ANKRD65: variants seen among roughly 807,000 people sequenced by gnomAD.
ANKRD65 encodes ankyrin repeat domain 65, also known as ankyrin repeat domain-containing protein 65.
Under a neutral mutation model 17.2 loss-of-function variants are expected in ANKRD65, and 26 were observed. The ratio of observed to expected loss-of-function variants is 1.51; its 90% CI spans 1.11 to 2.09. The LOEUF is 2.09. ANKRD65 is among the 30% of genes most tolerant of loss of function. The probability of loss-of-function intolerance (pLI) is 0.00; values close to 1 mark genes in which losing one functional copy is unlikely to be tolerated. For missense variants in ANKRD65, 621 were observed against 542.2 expected, an observed-to-expected ratio of 1.15 and a Z score of -1.44; for synonymous variants, 311 against 272.2, an observed-to-expected ratio of 1.14 and a Z score of -1.40.
Position 1,419,420 on chromosome 1 carries a change from C to T in ANKRD65, c.880G>A (p.Glu294Lys), listed in dbSNP as rs185980964. The T allele has an allele frequency of 3.2e-5, 50 of 1,549,640 alleles. No individual in the cohort carries two copies. The East Asian group carries it at 5.4e-4, about 17-fold the overall frequency. The change falls in exon 4 of 4, where the codon GAG becomes AAG. Residue 294 changes from glutamate (E) to lysine (K), a missense_variant. Glu to Lys is a moderately conservative substitution (Grantham distance 56, BLOSUM62 1). Coordinates refer to ENST00000537107, the MANE Select transcript of ANKRD65 (RefSeq NM_001145210.3). ...AVQLLVTQGAEVDARDTLGLT... is the reference protein window; with the variant it reads ...AVQLLVTQGAKVDARDTLGLT... ...CCCAGGGTGTCCCGCGCATCCACCT[C>T]GGCCCCCTGGGTGACCAGCAACTGG...
Position 1,419,050 on chromosome 1 carries a change from G to GAGAGCCTGGAAATCACTGGGGCGGT in ANKRD65, c.*25_*49dup. ...CCCTCCAGGCAGGCAGCCTCAGCCA[G>GAGAGCCTGGAAATCACTGGGGCGGT]AGAGCCTGGAAATCACTGGGGCGGT... On this transcript the variant is annotated 3_prime_UTR_variant, in exon 4 of 4. Coordinates refer to ENST00000537107, the MANE Select transcript of ANKRD65 (RefSeq NM_001145210.3). 6.9e-7 allele frequency: 1 copy of GAGAGCCTGGAAATCACTGGGGCGGT among 1,449,542 alleles called. No homozygotes were observed. The highest frequency in any genetic ancestry group is 1.5e-5 in the South Asian group (1 of 68,418). The allele number at this position is 1,449,542 out of a possible 1,614,324, so 89.8% of individuals were successfully genotyped here. A position where few individuals can be genotyped will look rare whatever the true frequency, so the allele number is the denominator to read the frequency against.
chr1:1,420,306 C>T lies in ANKRD65; in HGVS notation c.496G>A (p.Gly166Arg). ...TCCTCCGCCTCCGCTGCCGCGGGTC[C>T]CGGGCCCGGAGCCTCCAGCAGGCGC... ...AARLLEAPGP[G>R]PAAAEAEDAR... The change falls in exon 3 of 4, where the codon GGA becomes AGA. Residue 166 changes from glycine (G) to arginine (R), a missense_variant. Coordinates refer to ENST00000537107, the MANE Select transcript of ANKRD65 (RefSeq NM_001145210.3). 9.3e-7 allele frequency: 1 copy of T among 1,071,596 alleles called. No individual in the cohort carries two copies. The allele number at this position is 1,071,596 out of a possible 1,614,324, so 66.4% of individuals were successfully genotyped here.
Position 1,419,325 on chromosome 1 carries a change from AC to A in ANKRD65, c.974del (p.Gly325ValfsTer31), listed in dbSNP as rs750016027. 1 of 1,550,038 alleles carries A rather than the reference AC, an allele frequency of 6.5e-7. No individual in the cohort carries two copies. Among genetic ancestry groups the A allele is most frequent in the African/African-American group, 1.4e-5 (1 of 72,940 alleles). ...VEVAGCLLDRGAQVDATGWLR... is the reference protein window; with the variant it reads ...VEVAGCLLDRXAQVDATGWLR... ...GCCAGCCGGTAGCATCCACCTGGGCACCCCTGTCCAGCAGGCAGCCGGCAAC... is the reference window on the plus strand; with the variant it reads ...GCCAGCCGGTAGCATCCACCTGGGCACCCTGTCCAGCAGGCAGCCGGCAAC... On this transcript the variant is annotated frameshift_variant, in exon 4 of 4. Transcript: ENST00000537107. LOFTEE classifies it low-confidence loss of function (END_TRUNC).
At chr1:1,420,622 G>T (rs890178885) in intron 2 of ANKRD65, 30 bp from the exon 3 acceptor site, 74 of 1,419,044 alleles carry the variant, frequency 5.2e-5, no homozygotes, top group Non-Finnish European at 6.6e-5. Context: ...GTCGGCGCGG[G>T]GGTGGACCAC....
At chr1:1,419,690 C>T in intron 3 of ANKRD65, 141 bp from the exon 4 acceptor site, 4 of 848,086 alleles carry the variant, frequency 4.7e-6, no homozygotes, top group South Asian at 1.8e-5. Flanking sequence ...GTTGTGAGGC[C>T]GAACCCAAGG....
At chr1:1,419,798 G>A (rs1046775706) in intron 3 of ANKRD65, among the ~76,000 whole-genome samples, 1 of 152,246 alleles carries the variant, frequency 6.6e-6, no homozygotes, top group Non-Finnish European at 1.5e-5. Flanking sequence ...AGGAACGGGG[G>A]TCTCAGGCAC....
chr1:1,420,057 A>AT lies in ANKRD65; in HGVS notation c.744_745insA (p.Ser249IlefsTer5), dbSNP rs1258629923. ...GGGCGGAGGGCGGGACGTACCTGGG[A>AT]GCGGCCTAGGGCGGCCGCCAGACCC... is the stretch of plus-strand genomic sequence containing the variant. On this transcript the variant is annotated frameshift_variant, in exon 3 of 4. Coordinates refer to ENST00000537107, the MANE Select transcript of ANKRD65 (RefSeq NM_001145210.3). LOFTEE classifies it low-confidence loss of function (END_TRUNC). 3 of 1,278,304 alleles carry AT rather than the reference A, an allele frequency of 2.3e-6. No homozygotes were observed. In the African/African-American group the frequency reaches 4.7e-5, roughly 20 times the overall value. The allele number at this position is 1,278,304 out of a possible 1,614,324, so 79.2% of individuals were successfully genotyped here.
chr1:1,420,957 C>G lies in ANKRD65; in HGVS notation c.49G>C (p.Glu17Gln). ...GAGTCCAGCTCCATCCACCGCAGTT[C>G]CTGTTCCTCCTCCTCCTCCTCTCTG... Reference protein sequence around the residue: ...EPREEEEEEQELRWMELDSEE... With the variant: ...EPREEEEEEQQLRWMELDSEE... The change falls in exon 2 of 4, where the codon GAA (glutamate) becomes CAA (glutamine). Residue 17 changes from glutamate (E) to glutamine (Q), a missense_variant. Transcript: ENST00000537107. The G allele has an allele frequency of 6.4e-7, 1 of 1,550,794 alleles. No homozygotes were observed. Among genetic ancestry groups the G allele is most frequent in the Non-Finnish European group, 8.7e-7 (1 of 1,146,986 alleles).
At position 1,419,374 on chromosome 1, in the gene ANKRD65, G is replaced by T; in HGVS notation, c.926C>A (p.Ala309Asp). ...DTLGLTPLHH[A>D]SREGHVEVAG... ...AACCTCCACGTGGCCTTCCCGAGAG[G>T]CGTGATGCAGGGGTGTGAGGCCCAG... Residue 309 changes from alanine to aspartate, a missense_variant, in exon 4 of 4, where the codon GCC (alanine) becomes GAC (aspartate). Transcript: ENST00000537107. The T allele has an allele frequency of 6.5e-7, 1 of 1,550,178 alleles. No individual in the cohort carries two copies. Among genetic ancestry groups the T allele is most frequent in the East Asian group, 2.4e-5 (1 of 40,918 alleles).
chr1:1,420,856 C>T lies in ANKRD65; in HGVS notation c.150G>A (p.Trp50Ter). ...QGWGHLLQAV[W>*]RGPAGLVTQL... The stretch of plus-strand genomic sequence containing the variant: ...GCGTCACCAGGCCTGCAGGGCCCCT[C>T]CACACGGCCTGGAGCAGGTGCCCCC... Residue 50 changes from tryptophan (W) to a stop codon, truncating the protein, a stop_gained, in exon 2 of 4, where the codon TGG (tryptophan) becomes TGA (stop). Transcript: ENST00000537107. LOFTEE classifies it high-confidence loss of function. 6.5e-7 allele frequency: 1 copy of T among 1,549,932 alleles called. No homozygotes were observed.
intron 3 of ANKRD65, among the ~76,000 whole-genome samples, chr1:1,419,756 AG>A (rs915098603): frequency 4.6e-5 from 7 of 152,162 alleles, no homozygotes; most frequent in Non-Finnish European, 1.0e-4. Flanking sequence ...AGCAAATCCA[AG>A]GATCTGCAGC....
rs757416287 is a variant in ANKRD65 at position 1,420,051 on chromosome 1, C to T, written c.750+1G>A. On this transcript the variant is annotated splice_donor_variant, in intron 3 of 3. Coordinates refer to ENST00000537107, the MANE Select transcript of ANKRD65 (RefSeq NM_001145210.3). LOFTEE classifies it high-confidence loss of function. ...ACTGCCGGGCGGAGGGCGGGACGTA[C>T]CTGGGAGCGGCCTAGGGCGGCCGCC... 2.3e-6 allele frequency: 3 copies of T among 1,278,598 alleles called. No homozygotes were observed. Among genetic ancestry groups the T allele is most frequent in the African/African-American group, 1.6e-5 (1 of 64,192 alleles). The allele number at this position is 1,278,598 out of a possible 1,614,324, so 79.2% of individuals were successfully genotyped here. A position where few individuals can be genotyped will look rare whatever the true frequency, so the allele number is the denominator to read the frequency against.
chr1:1,418,927 G>T lies in ANKRD65; in HGVS notation c.*173C>A. ...GGTCAGTGGGCCCTCCTGGGAGCTGGGGGCCATCCCTGGTCCAGCCAAGGC... is the reference window on the plus strand; with the variant it reads ...GGTCAGTGGGCCCTCCTGGGAGCTGTGGGCCATCCCTGGTCCAGCCAAGGC... On this transcript the variant is annotated 3_prime_UTR_variant, in exon 4 of 4. Coordinates refer to ENST00000537107, the MANE Select transcript of ANKRD65 (RefSeq NM_001145210.3). The T allele has an allele frequency of 1.4e-6, 1 of 700,464 alleles. No individual in the cohort carries two copies. 43.4% of individuals were successfully genotyped at this position (700,464 alleles called of 1,614,324 possible).
In ANKRD65 at chr1:1,419,540, C is replaced by T. The variant is rs145112172; in HGVS notation, c.760G>A (p.Val254Met). Residue 254 changes from valine to methionine, a missense_variant, in exon 4 of 4, where the codon GTG becomes ATG. Physicochemically the swap from Val to Met is conservative, Grantham distance 21. Transcript: ENST00000537107. The part of the protein sequence containing the change: ...AALGRSQDIE[V>M]LLGHGADPGI... ...GGGTCTGCCCCGTGGCCCAGCAGCACCTCAATGTCCTAGAAGAGGAGAGAA... is the reference window on the plus strand; with the variant it reads ...GGGTCTGCCCCGTGGCCCAGCAGCATCTCAATGTCCTAGAAGAGGAGAGAA... 1.3e-6 allele frequency: 2 copies of T among 1,530,976 alleles called. No individual in the cohort carries two copies. The allele number at this position is 1,530,976 out of a possible 1,614,324, so 94.8% of individuals were successfully genotyped here. A position where few individuals can be genotyped will look rare whatever the true frequency, so the allele number is the denominator to read the frequency against.
Position 1,419,306 on chromosome 1 carries a change from C to A in ANKRD65, c.994G>T (p.Gly332Cys). 3.9e-6 allele frequency: 6 copies of A among 1,550,384 alleles called. No homozygotes were observed. The South Asian group carries it at 5.9e-5, about 15-fold the overall frequency. The change falls in exon 4 of 4, where the codon GGC becomes TGC. Residue 332 changes from glycine (G) to cysteine (C), a missense_variant. By Grantham distance (159) the Gly-to-Cys change is radical (BLOSUM62 -3). Coordinates refer to ENST00000537107, the MANE Select transcript of ANKRD65 (RefSeq NM_001145210.3). Reference protein sequence around the residue: ...LDRGAQVDATGWLRKTPLHLA... With the variant: ...LDRGAQVDATCWLRKTPLHLA... ...TGTAGGGGGGTCTTTCGGAGCCAGC[C>A]GGTAGCATCCACCTGGGCACCCCTG...
At position 1,419,141 on chromosome 1, in the gene ANKRD65, C is replaced by A. The variant is rs555119684; in HGVS notation, c.1159G>T (p.Gly387Trp). The A allele has an allele frequency of 2.5e-5, 38 of 1,534,904 alleles. No homozygotes were observed. Among genetic ancestry groups the A allele is most frequent in the Middle Eastern group, 1.7e-4 (1 of 5,938 alleles). The change falls in exon 4 of 4, where the codon GGG (glycine) becomes TGG (tryptophan). Residue 387 changes from glycine (G) to tryptophan (W), a missense_variant. Transcript: ENST00000537107. ...DLPQALPELG[G>W]GEKECEGIES... ...ATGCCCTCACACTCCTTCTCCCCCC[C>A]TCCAAGTTCAGGCAGCGCCTGGGGC...
rs756175092 is a variant in ANKRD65 at position 1,420,808 on chromosome 1, G to T, written c.198C>A (p.Ser66Arg). Residue 66 changes from serine to arginine, a missense_variant, in exon 2 of 4, where the codon AGC becomes AGA. Physicochemically the swap from Ser to Arg is moderately radical, Grantham distance 110 (BLOSUM62 -1). Coordinates refer to ENST00000537107, the MANE Select transcript of ANKRD65 (RefSeq NM_001145210.3). ...CAGCGCAGGTGCACCTCTCCTCCAC[G>T]CTGGCACCTTGCCGCAGCAGCTGCG... ...LVTQLLRQGASVEERDHAGRT... is the reference protein window; with the variant it reads ...LVTQLLRQGARVEERDHAGRT... The T allele has an allele frequency of 6.5e-7, 1 of 1,547,734 alleles. No individual in the cohort carries two copies. The highest frequency in any genetic ancestry group is 1.2e-5 in the South Asian group (1 of 83,924).
chr1:1,420,185 G>C lies in ANKRD65; in HGVS notation c.617C>G (p.Ala206Gly), dbSNP rs1645522627. Residue 206 changes from alanine to glycine, a missense_variant, in exon 3 of 4, where the codon GCC becomes GGC. Ala to Gly is a moderately conservative substitution (Grantham distance 60, BLOSUM62 0). Transcript: ENST00000537107. ...LAAGGAGLDGALLVAAAAGRG... is the reference protein window; with the variant it reads ...LAAGGAGLDGGLLVAAAAGRG... ...CCCCGCAGCGGCAGCCACGAGCAGG[G>C]CGCCGTCCAGGCCCGCGCCGCCGGC... The C allele has an allele frequency of 1.9e-6, 2 of 1,044,930 alleles. No homozygotes were observed. The highest frequency in any genetic ancestry group is 7.9e-5 in the South Asian group (2 of 25,258). 64.7% of individuals were successfully genotyped at this position (1,044,930 alleles called of 1,614,324 possible).
chr1:1,420,060 G>C lies in ANKRD65; in HGVS notation c.742C>G (p.Arg248Gly). 1 of 1,277,646 alleles carries C rather than the reference G, an allele frequency of 7.8e-7. No individual in the cohort carries two copies. The highest frequency in any genetic ancestry group is 9.9e-7 in the Non-Finnish European group (1 of 1,012,950). 79.1% of individuals were successfully genotyped at this position (1,277,646 alleles called of 1,614,324 possible). A position where few individuals can be genotyped will look rare whatever the true frequency, so the allele number is the denominator to read the frequency against. ...CGGAGGGCGGGACGTACCTGGGAGCGGCCTAGGGCGGCCGCCAGACCCAGC... is the reference window on the plus strand; with the variant it reads ...CGGAGGGCGGGACGTACCTGGGAGCCGCCTAGGGCGGCCGCCAGACCCAGC... ...TALGLAAALG[R>G]SQDIEVLLGH... Residue 248 changes from arginine (R) to glycine (G), a missense_variant, in exon 3 of 4, where the codon CGC becomes GGC. By Grantham distance (125) the Arg-to-Gly change is moderately radical. Transcript: ENST00000537107.
Sources: allele counts gnomAD v4.1 joint callset (sites outside exome capture counted in the v4.1 genomes callset), GRCh38; gene constraint gnomAD v4.1.1; transcripts MANE v1.5; gene names NCBI Gene and HGNC (gene_info 2026-07-23, HGNC 2026-07-21).